Variants in TYR observed in about 807,000 individuals in gnomAD.
TYR encodes tyrosinase, also known as LB24-AB.
TYR carries 58 observed loss-of-function variants against 51.5 expected under a neutral mutation model. The observed-to-expected ratio is 1.13, with a 90% CI of 0.91 to 1.40. TYR has a LOEUF of 1.40. TYR is among the 40% of genes most tolerant of loss of function. The probability of loss-of-function intolerance (pLI) is 0.00; values close to 1 mark genes in which losing one functional copy is unlikely to be tolerated. For synonymous variants in TYR, 263 were observed against 235.2 expected, an observed-to-expected ratio of 1.12 and a Z score of -1.08; for missense variants, 732 against 647.4, an observed-to-expected ratio of 1.13 and a Z score of -1.42.
rs534226107 is a variant in TYR, at chr11:89,207,668, G to C, written c.1036+16250G>C. Among the ~76,000 whole-genome samples the C allele has an allele frequency of 1.6e-3, 236 of 152,198 alleles. 1 individual carries two copies. The highest frequency in any genetic ancestry group is 5.4e-3 in the African/African-American group (224 of 41,554). Reference sequence around the variant, plus strand: ...AAAAGGATGCCAAGAAAATGAGACAGATCAATATCCCTCATGTACATATAT... The same window carrying C: ...AAAAGGATGCCAAGAAAATGAGACACATCAATATCCCTCATGTACATATAT... On this transcript the variant is annotated intron_variant, in intron 2 of 4. Transcript: ENST00000263321.
At chr11:89,180,640 C>T (rs1217162842) in intron 1 of TYR, among the ~76,000 whole-genome samples, 2 of 151,346 alleles carry the variant, frequency 1.3e-5, no homozygotes, top group Admixed American at 1.3e-4. Context: ...GATTAAATTG[C>T]TGTGTAGAAA....
intron 2 of TYR, among the ~76,000 whole-genome samples, chr11:89,191,791 G>A (rs1360264898): frequency 6.6e-6 from 1 of 152,168 alleles, no homozygotes; most frequent in Admixed American, 6.5e-5. Flanking sequence ...AGAAGAAGCA[G>A]CAGTAGCAGC....
chr11:89,284,857 A>G lies in TYR; in HGVS notation c.1269A>G (p.Glu423=), dbSNP rs775593103. 2.5e-6 allele frequency: 4 copies of G among 1,611,962 alleles called. No homozygotes were observed. In the East Asian group the frequency reaches 8.9e-5, roughly 36 times the overall value. Residue 423 remains glutamate, a synonymous_variant, in exon 4 of 5, where the codon GAA becomes GAG. Coordinates refer to ENST00000263321, the MANE Select transcript of TYR (RefSeq NM_000372.5). The part of the protein sequence containing the change: ...EANAPIGHNR[E]SYMVPFIPLY... ...ATGCACCCATTGGACATAACCGGGA[A>G]TCCTACATGGTTCCTTTTATACCAC...
chr11:89,225,391 C>A (rs1019828407), intron 2 of TYR, among the ~76,000 whole-genome samples: 7 of 151,780 alleles, frequency 4.6e-5, no homozygotes, highest in Admixed American at 3.3e-4. Flanking sequence ...TCCTATCTAA[C>A]AAAAAATTTG....
intron 3 of TYR, among the ~76,000 whole-genome samples, chr11:89,249,435 G>GA (rs1040510623): frequency 3.5e-5 from 2 of 57,454 alleles, no homozygotes; most frequent in African/African-American, 1.5e-4. Flanking sequence ...GAGGAAGCAG[G>GA]AAAAAAAGGA....
intron 2 of TYR, among the ~76,000 whole-genome samples, chr11:89,207,862 A>G (rs1388754860): frequency 6.6e-6 from 1 of 152,218 alleles, no homozygotes; most frequent in African/African-American, 2.4e-5. Context: ...ATTCTACTAT[A>G]TTACATAATA....
At chr11:89,191,152 C>A in intron 1 of TYR, 50 bp from the exon 2 acceptor site, 1 of 1,554,614 alleles carries the variant, frequency 6.4e-7, no homozygotes, top group South Asian at 1.1e-5. Flanking sequence ...CCTTCTCCTA[C>A]TGACTCAGTG....
At chr11:89,200,822 C>T (rs1943587974) in intron 2 of TYR, among the ~76,000 whole-genome samples, 1 of 152,078 alleles carries the variant, frequency 6.6e-6, no homozygotes, top group Admixed American at 6.6e-5. Context: ...TTTTTAAAAA[C>T]ATTTTCAGAT....
intron 1 of TYR, among the ~76,000 whole-genome samples, 183 bp from the exon 2 acceptor site, chr11:89,191,019 G>A (rs897005708): frequency 1.3e-5 from 2 of 152,048 alleles, no homozygotes; most frequent in Non-Finnish European, 2.9e-5. Context: ...TGATGTTCAC[G>A]CAATGACAAA....
intron 1 of TYR, among the ~76,000 whole-genome samples, chr11:89,190,140 C>T (rs1229313548): frequency 6.6e-6 from 1 of 152,140 alleles, no homozygotes; most frequent in Non-Finnish European, 1.5e-5. Context: ...TATGTATTTA[C>T]TATCTATATT....
chr11:89,205,848 G>A (rs1279413965), intron 2 of TYR, among the ~76,000 whole-genome samples: 1 of 152,006 alleles, frequency 6.6e-6, no homozygotes, highest in Admixed American at 6.6e-5. Context: ...TGATTTAATG[G>A]TTGAAACAAA....
intron 3 of TYR, among the ~76,000 whole-genome samples, chr11:89,256,118 G>C (rs543625016): frequency 2.0e-5 from 3 of 151,604 alleles, no homozygotes; most frequent in African/African-American, 7.2e-5. Context: ...TGCACATGTG[G>C]CTAATGAGCA....
intron 4 of TYR, chr11:89,294,024 T>A (rs694934): frequency 5.4e-6 from 1 of 185,770 alleles, no homozygotes; most frequent in Non-Finnish European, 1.1e-5. Flanking sequence ...TCTTTCTTTT[T>A]GTAATTTTTT....
intron 2 of TYR, among the ~76,000 whole-genome samples, chr11:89,202,911 T>G (rs1276022429): frequency 6.6e-6 from 1 of 152,136 alleles, no homozygotes; most frequent in African/African-American, 2.4e-5. Context: ...TGATGCTGTT[T>G]CTATGAAAAG....
At chr11:89,212,139 A>G (rs959428444) in intron 2 of TYR, among the ~76,000 whole-genome samples, 1 of 152,212 alleles carries the variant, frequency 6.6e-6, no homozygotes, top group African/African-American at 2.4e-5. Flanking sequence ...CTTCAAAAAA[A>G]TCAATGAATC....
chr11:89,222,456 G>C (rs181682241), intron 2 of TYR, among the ~76,000 whole-genome samples: 4 of 152,078 alleles, frequency 2.6e-5, no homozygotes, highest in Non-Finnish European at 5.9e-5. Context: ...CTATTGTTGG[G>C]TGCCGGGCAC....
intron 3 of TYR, among the ~76,000 whole-genome samples, chr11:89,243,382 A>G (rs530107625): frequency 5.3e-5 from 8 of 152,158 alleles, no homozygotes; most frequent in Non-Finnish European, 1.5e-5. Context: ...ACCTATACTT[A>G]TAAGTCAAGA....
chr11:89,255,129 T>A (rs1234462539), intron 3 of TYR, among the ~76,000 whole-genome samples: 2 of 151,808 alleles, frequency 1.3e-5, no homozygotes, highest in Admixed American at 1.3e-4. Context: ...TTTTGAAGGT[T>A]CCTTTTGGAG....
chr11:89,269,805 G>C (rs2135313782), intron 3 of TYR, among the ~76,000 whole-genome samples: 1 of 152,008 alleles, frequency 6.6e-6, no homozygotes, highest in Admixed American at 6.6e-5. Flanking sequence ...CTGTTTTTCA[G>C]TGAAAATTTC....
Sources: gnomAD v4.1 joint callset for allele counts (sites outside exome capture counted in the v4.1 genomes callset) on GRCh38, gnomAD v4.1.1 for gene constraint, MANE v1.5 for transcripts, NCBI Gene and HGNC (gene_info 2026-07-23, HGNC 2026-07-21) for gene names.